The following PABPC4L variants were observed in gnomAD, a reference collection of about 807,000 sequenced individuals.
PABPC4L encodes the protein poly(A) binding protein cytoplasmic 4 like, also known as polyadenylate-binding protein 4-like.
For synonymous variants in PABPC4L, 169 were observed against 164.1 expected (o/e 1.03, Z -0.23); for missense variants, 452 against 451.4 (o/e 1.00, Z -0.01).
chr4:134,015,651 A>C, the PABPC4L span, among the ~76,000 whole-genome samples: 551 of 152,102 alleles, frequency 3.6e-3, 2 homozygotes, highest in African/African-American at 0.012. Context: ...GTGTCTGACT[A>C]ATCTCCCAAA....
the PABPC4L span, among the ~76,000 whole-genome samples, chr4:134,116,804 A>G: frequency 3.3e-5 from 5 of 151,880 alleles, no homozygotes; most frequent in East Asian, 9.7e-4. Flanking sequence ...TAAAATTTCA[A>G]TAGTTTTCCA....
chr4:134,008,871 T>C, the PABPC4L span, among the ~76,000 whole-genome samples: 9 of 151,926 alleles, frequency 5.9e-5, no homozygotes, highest in Admixed American at 5.3e-4. Flanking sequence ...AATAACCTAT[T>C]GAGGTTCAAC....
At chr4:133,981,422 T>G in the PABPC4L span, among the ~76,000 whole-genome samples, 1 of 152,120 alleles carries the variant, frequency 6.6e-6, no homozygotes, top group East Asian at 1.9e-4. Flanking sequence ...TATATAATAA[T>G]ACATTGAAAA....
chr4:134,191,898 A>G (rs548710785), downstream of PABPC4L, among the ~76,000 whole-genome samples: 1 of 152,230 alleles, frequency 6.6e-6, no homozygotes, highest in African/African-American at 2.4e-5. Flanking sequence ...TAAAGATTAC[A>G]TCAGAAACAA....
the PABPC4L span, among the ~76,000 whole-genome samples, chr4:134,007,589 T>C: frequency 6.6e-6 from 1 of 151,650 alleles, no homozygotes; most frequent in Non-Finnish European, 1.5e-5. Context: ...CTTCTCAATA[T>C]CATAGATTCC....
chr4:134,017,249 C>T, the PABPC4L span, among the ~76,000 whole-genome samples: 1 of 152,100 alleles, frequency 6.6e-6, no homozygotes, highest in East Asian at 1.9e-4. Flanking sequence ...AAAAGGACTA[C>T]ACAATACTTT....
the PABPC4L span, among the ~76,000 whole-genome samples, chr4:133,997,652 A>T: frequency 1.3e-5 from 2 of 152,190 alleles, no homozygotes; most frequent in African/African-American, 4.8e-5. Context: ...ACATAAAAAC[A>T]TTCACAGGAA....
At chr4:134,085,524 A>T in the PABPC4L span, among the ~76,000 whole-genome samples, 1 of 152,116 alleles carries the variant, frequency 6.6e-6, no homozygotes, top group Non-Finnish European at 1.5e-5. Flanking sequence ...CACTATATAA[A>T]AAATAACAAA....
the PABPC4L span, among the ~76,000 whole-genome samples, chr4:134,159,882 G>T: frequency 2.0e-5 from 3 of 152,048 alleles, no homozygotes; most frequent in African/African-American, 7.2e-5. Flanking sequence ...CCTTTTTAGG[G>T]GAAAAAGAAA....
the PABPC4L span, among the ~76,000 whole-genome samples, chr4:133,960,462 A>C: frequency 1.3e-5 from 2 of 152,224 alleles, no homozygotes; most frequent in Non-Finnish European, 2.9e-5. Context: ...CTGGCATCAC[A>C]AGGATCCTTA....
At position 134,197,190 on chromosome 4, in the gene PABPC4L, T is replaced by A; in HGVS notation, c.*2717A>T. 6.6e-6 allele frequency: 1 copy of A among 151,766 alleles called. No homozygotes were observed. The highest frequency in any genetic ancestry group is 1.9e-4 in the East Asian group (1 of 5,198). 9.4% of individuals were successfully genotyped at this position (151,766 alleles called of 1,614,324 possible). A position where few individuals can be genotyped will look rare whatever the true frequency, so the allele number is the denominator to read the frequency against. ...TAAATACTTACCTAGTATAAGAATC[T>A]ATGTGAAACTCATATGCCAACTCTA... On this transcript the variant is annotated 3_prime_UTR_variant, in exon 2 of 2. Transcript: ENST00000421491.
chr4:134,170,828 C>G, the PABPC4L span, among the ~76,000 whole-genome samples: 38 of 152,258 alleles, frequency 2.5e-4, 1 homozygote, highest in Middle Eastern at 0.037. Context: ...AGAATGATTT[C>G]TATTCCTTTG....
the PABPC4L span, among the ~76,000 whole-genome samples, chr4:133,993,558 C>G: frequency 3.3e-5 from 5 of 152,178 alleles, no homozygotes; most frequent in Admixed American, 2.6e-4. Context: ...TGAGTAACAT[C>G]TGTTTGCCAT....
chr4:134,014,822 A>G, the PABPC4L span, among the ~76,000 whole-genome samples: 1 of 152,018 alleles, frequency 6.6e-6, no homozygotes, highest in Admixed American at 6.6e-5. Context: ...TGTTGTGGGT[A>G]TTGACAGCCA....
chr4:133,964,536 T>A, the PABPC4L span, among the ~76,000 whole-genome samples: 1 of 152,144 alleles, frequency 6.6e-6, no homozygotes, highest in South Asian at 2.1e-4. Context: ...TACAAACCCA[T>A]ATCCCTGATA....
the PABPC4L span, among the ~76,000 whole-genome samples, chr4:134,137,849 C>A: frequency 1.4e-3 from 216 of 151,804 alleles, no homozygotes; most frequent in African/African-American, 3.6e-3. Context: ...ACCCATTATA[C>A]AAAATTTATC....
chr4:133,967,167 A>G, the PABPC4L span, among the ~76,000 whole-genome samples: 1 of 152,076 alleles, frequency 6.6e-6, no homozygotes, highest in African/African-American at 2.4e-5. Flanking sequence ...TTTTAAATGT[A>G]TTAAATTTAA....
At chr4:134,087,222 C>G in the PABPC4L span, among the ~76,000 whole-genome samples, 2 of 151,940 alleles carry the variant, frequency 1.3e-5, no homozygotes, top group Non-Finnish European at 2.9e-5. Flanking sequence ...AAATGTGGCA[C>G]ATATACACCA....
chr4:133,971,696 C>T, the PABPC4L span, among the ~76,000 whole-genome samples: 6 of 152,156 alleles, frequency 3.9e-5, no homozygotes, highest in African/African-American at 1.2e-4. Flanking sequence ...TCTTTCTATT[C>T]CAGAGTCACA....
Sources: gnomAD v4.1 joint callset for allele counts (sites outside exome capture counted in the v4.1 genomes callset) on GRCh38, gnomAD v4.1.1 for gene constraint, MANE v1.5 for transcripts, NCBI Gene and HGNC (gene_info 2026-07-23, HGNC 2026-07-21) for gene names.